DEFB116: variants seen among roughly 807,000 people sequenced by gnomAD.
DEFB116 encodes the protein beta-defensin 116.
DEFB116 carries 5 observed loss-of-function variants against 2.8 expected under a neutral mutation model. The observed-to-expected ratio is 1.80, with a 90% CI of 0.94 to 3.79. The LOEUF (loss-of-function observed/expected upper bound fraction) is 3.79, where lower values mean the gene tolerates loss of function less well. Ranked by LOEUF, DEFB116 falls within the 30% of genes most tolerant of loss-of-function variation. DEFB116 has a pLI of 0.00. For synonymous variants in DEFB116, 56 were observed against 40.8 expected (o/e 1.37, Z -1.42); for missense variants, 170 against 118.0 (o/e 1.44, Z -2.04).
intron 1 of DEFB116, among the ~76,000 whole-genome samples, chr20:31,306,073 T>C (rs1984985595): frequency 6.6e-6 from 1 of 152,092 alleles, no homozygotes; most frequent in Non-Finnish European, 1.5e-5. Flanking sequence ...AGGTATCCTC[T>C]GGACCTTTTT....
chr20:31,305,434 G>A (rs943261363), intron 1 of DEFB116, among the ~76,000 whole-genome samples: 1 of 152,048 alleles, frequency 6.6e-6, no homozygotes, highest in African/African-American at 2.4e-5. Flanking sequence ...TAGAAAGTTG[G>A]TCAAGGCCAC....
rs751749956 is a variant in DEFB116, at chr20:31,303,373, C to T, written c.148G>A (p.Ala50Thr). Reference sequence around the variant, plus strand: ...TATTGGATTTCATATTCTCTGCAGGCGTTTCTGCACATGCCTTGGTAAAGC... The same window carrying T: ...TATTGGATTTCATATTCTCTGCAGGTGTTTCTGCACATGCCTTGGTAAAGC... ...CELYQGMCRN[A>T]CREYEIQYLT... The change falls in exon 2 of 2, where the codon GCC becomes ACC. Residue 50 changes from alanine (A) to threonine (T), a missense_variant. By Grantham distance (58) the Ala-to-Thr change is moderately conservative. Coordinates refer to ENST00000400549, the MANE Select transcript of DEFB116 (RefSeq NM_001037731.1). The T allele has an allele frequency of 1.2e-6, 2 of 1,613,558 alleles. No homozygotes were observed. The highest frequency in any genetic ancestry group is 1.7e-6 in the Non-Finnish European group (2 of 1,179,596).
chr20:31,303,524 G>T, intron 1 of DEFB116, 71 bp from the exon 2 acceptor site: 2 of 1,576,328 alleles, frequency 1.3e-6, no homozygotes, highest in Admixed American at 3.6e-5. Context: ...TGATTTAAAG[G>T]AACACGCCCT....
At position 31,308,536 on chromosome 20, in the gene DEFB116, A is replaced by G. The variant is rs1368301869; in HGVS notation, c.50T>C (p.Leu17Pro). Reference protein sequence around the residue: ...CLMTIAILMILAQKTPGGLFR... With the variant: ...CLMTIAILMIPAQKTPGGLFR... ...TGAGTTACCTGGAGTCTTTTGAGCC[A>G]GGATCATAAGGATGGCAATGGTCAT... Residue 17 changes from leucine to proline, a missense_variant, in exon 1 of 2, where the codon CTG (leucine) becomes CCG (proline). Leu to Pro is a moderately conservative substitution (Grantham distance 98). Transcript: ENST00000400549. 3 of 1,613,640 alleles carry G rather than the reference A, an allele frequency of 1.9e-6. No homozygotes were observed. The highest frequency in any genetic ancestry group is 2.5e-6 in the Non-Finnish European group (3 of 1,179,576).
chr20:31,307,631 C>G (rs1184146509), intron 1 of DEFB116, among the ~76,000 whole-genome samples: 1 of 152,010 alleles, frequency 6.6e-6, no homozygotes, highest in Non-Finnish European at 1.5e-5. Context: ...AAGAAACAAC[C>G]TATGGAATGG....
At chr20:31,308,016 A>G (rs1023122555) in intron 1 of DEFB116, among the ~76,000 whole-genome samples, 4 of 152,052 alleles carry the variant, frequency 2.6e-5, no homozygotes, top group Non-Finnish European at 5.9e-5. Flanking sequence ...AGCTCCATTC[A>G]AGAAAAAATA....
chr20:31,304,557 G>C (rs575782641), intron 1 of DEFB116, among the ~76,000 whole-genome samples: 1 of 152,088 alleles, frequency 6.6e-6, no homozygotes, highest in East Asian at 1.9e-4. Context: ...TCAATTTCTG[G>C]TCTACATGAC....
chr20:31,303,711 A>C (rs926946391), intron 1 of DEFB116, among the ~76,000 whole-genome samples: 1 of 152,140 alleles, frequency 6.6e-6, no homozygotes, highest in Non-Finnish European at 1.5e-5. Context: ...AGTAATGACT[A>C]GGTTCATGTA....
intron 1 of DEFB116, among the ~76,000 whole-genome samples, chr20:31,307,825 A>G (rs1985027547): frequency 6.6e-6 from 1 of 152,008 alleles, no homozygotes; most frequent in African/African-American, 2.4e-5. Context: ...TACCCACTTT[A>G]GGCAAACACT....
chr20:31,308,109 C>G (rs183999000), intron 1 of DEFB116, among the ~76,000 whole-genome samples: 1 of 151,990 alleles, frequency 6.6e-6, no homozygotes, highest in African/African-American at 2.4e-5. Context: ...CATCCCCACT[C>G]ACTTTTTGGA....
chr20:31,304,684 G>A (rs759905063), intron 1 of DEFB116, among the ~76,000 whole-genome samples: 3 of 151,992 alleles, frequency 2.0e-5, no homozygotes, highest in South Asian at 2.1e-4. Flanking sequence ...GATTTCAACC[G>A]AGTTCAAAAT....
chr20:31,306,727 C>T (rs562479419), intron 1 of DEFB116, among the ~76,000 whole-genome samples: 4 of 152,102 alleles, frequency 2.6e-5, no homozygotes, highest in East Asian at 3.9e-4. Context: ...GGAGGAGAAA[C>T]CTCTAGATCA....
chr20:31,304,886 A>G (rs1984958929), intron 1 of DEFB116, among the ~76,000 whole-genome samples: 1 of 152,140 alleles, frequency 6.6e-6, no homozygotes. Context: ...CTTGCATGGA[A>G]AAAATGAATA....
At chr20:31,308,230 T>A (rs953935732) in intron 1 of DEFB116, among the ~76,000 whole-genome samples, 18 of 152,228 alleles carry the variant, frequency 1.2e-4, no homozygotes, top group Admixed American at 5.9e-4. Flanking sequence ...CTCTCACACC[T>A]AACTCATGAA....
intron 1 of DEFB116, among the ~76,000 whole-genome samples, chr20:31,306,483 A>G (rs981369519): frequency 1.3e-5 from 2 of 152,162 alleles, no homozygotes; most frequent in African/African-American, 2.4e-5. Context: ...CAACTCTTGA[A>G]GCATAGAGTG....
At chr20:31,304,830 C>T (rs915743439) in intron 1 of DEFB116, among the ~76,000 whole-genome samples, 2 of 152,024 alleles carry the variant, frequency 1.3e-5, no homozygotes, top group Non-Finnish European at 1.5e-5. Context: ...AATTTATTCA[C>T]TATTAACATT....
chr20:31,307,492 T>G (rs775434096), intron 1 of DEFB116, among the ~76,000 whole-genome samples: 8 of 152,104 alleles, frequency 5.3e-5, no homozygotes, highest in East Asian at 3.9e-4. Context: ...AAAAAGCTTC[T>G]TGACGTTGGC....
At chr20:31,306,329 A>G (rs1984989813) in intron 1 of DEFB116, among the ~76,000 whole-genome samples, 1 of 152,182 alleles carries the variant, frequency 6.6e-6, no homozygotes, top group Non-Finnish European at 1.5e-5. Flanking sequence ...CAAACAGTTT[A>G]ATTTCATATG....
At chr20:31,304,198 T>A (rs748039120) in intron 1 of DEFB116, among the ~76,000 whole-genome samples, 3 of 152,116 alleles carry the variant, frequency 2.0e-5, no homozygotes, top group African/African-American at 4.8e-5. Flanking sequence ...TATGTATAAG[T>A]CATCCAGGTG....
Sources: allele counts gnomAD v4.1 joint callset (sites outside exome capture counted in the v4.1 genomes callset), GRCh38; gene constraint gnomAD v4.1.1; transcripts MANE v1.5; gene names NCBI Gene and HGNC (gene_info 2026-07-23, HGNC 2026-07-21).